The following NAA11 variants were observed in gnomAD, a reference collection of about 807,000 sequenced individuals.
NAA11 encodes the protein N-alpha-acetyltransferase 11.
NAA11 carries 15 observed loss-of-function variants against 16.1 expected under a neutral mutation model. That is an observed-to-expected ratio of 0.93 (90% CI 0.62 to 1.44). NAA11 has a LOEUF of 1.44. NAA11 is among the 40% of genes most tolerant of loss of function. The pLI is 0.00. For missense variants in NAA11, 298 were observed against 291.3 expected, an observed-to-expected ratio of 1.02 and a Z score of -0.17; for synonymous variants, 122 against 112.4, an observed-to-expected ratio of 1.09 and a Z score of -0.54.
the NAA11 span, among the ~76,000 whole-genome samples, chr4:79,173,276 A>G: frequency 1.3e-5 from 2 of 152,110 alleles, no homozygotes; most frequent in African/African-American, 4.8e-5. Flanking sequence ...CCAGTCTCTA[A>G]TCATTCAATC....
intron 1 of NAA11, among the ~76,000 whole-genome samples, chr4:79,321,904 T>C (rs1027002470): frequency 6.6e-6 from 1 of 152,192 alleles, no homozygotes; most frequent in Non-Finnish European, 1.5e-5. Flanking sequence ...TTTTAAAAAT[T>C]TTTCTGCTTC....
At chr4:79,179,639 T>C in the NAA11 span, among the ~76,000 whole-genome samples, 1 of 152,174 alleles carries the variant, frequency 6.6e-6, no homozygotes, top group Non-Finnish European at 1.5e-5. Flanking sequence ...GAGGATGTCA[T>C]GATGAAATAA....
chr4:79,249,694 A>T (rs1008488299), intron 2 of NAA11, among the ~76,000 whole-genome samples: 1 of 152,274 alleles, frequency 6.6e-6, no homozygotes, highest in Admixed American at 6.5e-5. Flanking sequence ...ATATTTCAGG[A>T]TATCGCCATG....
chr4:79,189,266 G>A, the NAA11 span, among the ~76,000 whole-genome samples: 1 of 151,898 alleles, frequency 6.6e-6, no homozygotes, highest in Non-Finnish European at 1.5e-5. Flanking sequence ...AAGGATGCAG[G>A]ATGTAGCAGA....
intron 2 of NAA11, among the ~76,000 whole-genome samples, chr4:79,238,192 A>G (rs929734247): frequency 1.3e-5 from 2 of 152,234 alleles, no homozygotes; most frequent in African/African-American, 4.8e-5. Flanking sequence ...ACCATTGGGA[A>G]TACTGATGAA....
the NAA11 span, among the ~76,000 whole-genome samples, chr4:79,191,650 T>TA: frequency 6.6e-6 from 1 of 152,222 alleles, no homozygotes; most frequent in Non-Finnish European, 1.5e-5. Flanking sequence ...ACTCTGTTGA[T>TA]AGTTTCTTTT....
At chr4:79,234,825 T>C (rs957380724) in intron 2 of NAA11, among the ~76,000 whole-genome samples, 1 of 152,148 alleles carries the variant, frequency 6.6e-6, no homozygotes, top group African/African-American at 2.4e-5. Context: ...ATGTACGTTT[T>C]CTCTTTGAAC....
At chr4:79,233,088 A>C (rs1048879200) in intron 2 of NAA11, among the ~76,000 whole-genome samples, 1 of 151,936 alleles carries the variant, frequency 6.6e-6, no homozygotes, top group African/African-American at 2.4e-5. Context: ...ACCTGGCCTT[A>C]GTCATTATTA....
chr4:79,325,263 G>A lies in NAA11; in HGVS notation c.615C>T (p.Asp205=), dbSNP rs1159761123. 1 of 1,613,724 alleles carries A rather than the reference G, an allele frequency of 6.2e-7. No homozygotes were observed. Among genetic ancestry groups the A allele is most frequent in the East Asian group, 2.2e-5 (1 of 44,880 alleles). ...CCACAGACTCCTTAGGTTCTTTGCT[G>A]TCACTGCCACTTTCTTCGGTAGCCG... The part of the protein sequence containing the change: ...KNPATEESGS[D]SKEPKESVES... Residue 205 remains aspartate, a synonymous_variant, in exon 1 of 2, where the codon GAC becomes GAT. Coordinates refer to ENST00000286794, the MANE Select transcript of NAA11 (RefSeq NM_032693.3).
chr4:79,158,698 G>GATATATATATATATAT, the NAA11 span, among the ~76,000 whole-genome samples: 126 of 112,116 alleles, frequency 1.1e-3, 4 homozygotes, highest in African/African-American at 2.3e-3. Context: ...CACATTACCT[G>GATATATATATATATAT]ATATATATAT....
At chr4:79,302,122 G>A (rs533001843) in intron 1 of NAA11, among the ~76,000 whole-genome samples, 1 of 152,076 alleles carries the variant, frequency 6.6e-6, no homozygotes, top group South Asian at 2.1e-4. Context: ...GGGATACAAG[G>A]GCATCAGAGG....
At chr4:79,195,333 A>G in the NAA11 span, among the ~76,000 whole-genome samples, 2 of 152,138 alleles carry the variant, frequency 1.3e-5, no homozygotes, top group Non-Finnish European at 2.9e-5. Flanking sequence ...TTAATTCTCT[A>G]AACTCTACGT....
At chr4:79,316,165 G>A (rs1723921341), downstream of NAA11, among the ~76,000 whole-genome samples, 1 of 152,112 alleles carries the variant, frequency 6.6e-6, no homozygotes, top group Non-Finnish European at 1.5e-5. Context: ...AAAGCTCAAG[G>A]AAAACATGGA....
intron 2 of NAA11, among the ~76,000 whole-genome samples, chr4:79,235,643 A>G (rs569361860): frequency 6.6e-6 from 1 of 152,246 alleles, no homozygotes; most frequent in African/African-American, 2.4e-5. Context: ...AGTTACTGAC[A>G]ATTTTGGGAA....
chr4:79,269,389 C>A (rs1400653110), intron 2 of NAA11, among the ~76,000 whole-genome samples: 1 of 130,326 alleles, frequency 7.7e-6, no homozygotes, highest in Non-Finnish European at 1.6e-5. Flanking sequence ...TTAATGATTG[C>A]CATTCTAACT....
At chr4:79,305,530 A>G (rs1397151122) in intron 1 of NAA11, among the ~76,000 whole-genome samples, 1 of 152,182 alleles carries the variant, frequency 6.6e-6, no homozygotes, top group Non-Finnish European at 1.5e-5. Context: ...TAAGCTGTGC[A>G]TCTGGGTAGG....
intron 1 of NAA11, among the ~76,000 whole-genome samples, chr4:79,301,337 AAG>A (rs1252286313): frequency 6.6e-6 from 1 of 152,158 alleles, no homozygotes. Flanking sequence ...CTCCACTATG[AAG>A]AGTTCCTTGA....
the NAA11 span, among the ~76,000 whole-genome samples, chr4:79,187,960 C>G: frequency 7.3e-6 from 1 of 137,258 alleles, no homozygotes; most frequent in Admixed American, 7.9e-5. Context: ...GATCGCGCCA[C>G]TGCACTCCAG....
chr4:79,191,060 T>C, the NAA11 span, among the ~76,000 whole-genome samples: 1 of 152,208 alleles, frequency 6.6e-6, no homozygotes, highest in Admixed American at 6.5e-5. Context: ...ATTTTTAAAA[T>C]CCAATCTGTC....
Sources: gnomAD v4.1 joint callset for allele counts (sites outside exome capture counted in the v4.1 genomes callset) on GRCh38, gnomAD v4.1.1 for gene constraint, MANE v1.5 for transcripts, NCBI Gene and HGNC (gene_info 2026-07-23, HGNC 2026-07-21) for gene names.